IL20: variants seen among roughly 807,000 people sequenced by gnomAD.
IL20 encodes the protein interleukin 20.
In IL20, 22 loss-of-function variants were observed where a neutral mutation model predicts 19.2. That is an observed-to-expected ratio of 1.15 (90% CI 0.82 to 1.64). The LOEUF (loss-of-function observed/expected upper bound fraction) is 1.64. Among genes scored for constraint, IL20 ranks in the 40% most tolerant of loss-of-function variants. The pLI, the probability that IL20 is intolerant of heterozygous loss-of-function variation, is 0.00. For missense variants in IL20, 215 were observed against 212.8 expected, an observed-to-expected ratio of 1.01 and a Z score of -0.06; for synonymous variants, 70 against 76.2, an observed-to-expected ratio of 0.92 and a Z score of 0.43.
rs199946425 is a variant in IL20, at chr1:206,868,513, G to C, written c.480G>C (p.Lys160Asn). ...TGGAACCTCAGGCAGCAGTTGTGAAGGCTTTGGGGGAACTAGACATTCTTC... is the reference window on the plus strand; with the variant it reads ...TGGAACCTCAGGCAGCAGTTGTGAACGCTTTGGGGGAACTAGACATTCTTC... ...EKLEPQAAVV[K>N]ALGELDILLQ... The change falls in exon 6 of 6, where the codon AAG becomes AAC. Residue 160 changes from lysine to asparagine, a missense_variant. Coordinates refer to ENST00000367098, the MANE Select transcript of IL20 (RefSeq NM_018724.4). The C allele has an allele frequency of 6.3e-7, 1 of 1,597,966 alleles. No individual in the cohort carries two copies. Among genetic ancestry groups the C allele is most frequent in the Non-Finnish European group, 8.5e-7 (1 of 1,172,086 alleles).
Position 206,866,296 on chromosome 1 carries a change from T to C in IL20, c.160-3T>C, listed in dbSNP as rs1295043023. 22 of 1,613,958 alleles carry C rather than the reference T, an allele frequency of 1.4e-5. No homozygotes were observed. The highest frequency in any genetic ancestry group is 1.6e-4 in the Middle Eastern group (1 of 6,082). On this transcript the variant is annotated splice_region_variant and splice_polypyrimidine_tract_variant and intron_variant, in intron 2 of 5. Transcript: ENST00000367098. ...CTTGCTTGTTTTGTCTTCTTCTGTTTAGCAAGCCAAAGATGGAAACATTGA... is the reference window on the plus strand; with the variant it reads ...CTTGCTTGTTTTGTCTTCTTCTGTTCAGCAAGCCAAAGATGGAAACATTGA...
chr1:206,867,656 C>A (rs2102506409), intron 5 of IL20, among the ~76,000 whole-genome samples, 198 bp downstream of exon 5: 1 of 152,192 alleles, frequency 6.6e-6, no homozygotes, highest in African/African-American at 2.4e-5. Flanking sequence ...GGGTGATGCT[C>A]TGGAAATGGA....
Position 206,868,452 on chromosome 1 carries a change from G to A in IL20, c.454-35G>A, listed in dbSNP as rs1374588990. The stretch of plus-strand genomic sequence containing the variant: ...GGTCCTGGAGCAAATGCTGTCTCAT[G>A]AATTGCTAACCACATGGGTGTGTGT... On this transcript the variant is annotated intron_variant, in intron 5 of 5. Transcript: ENST00000367098. 3.3e-6 allele frequency: 5 copies of A among 1,526,310 alleles called. No homozygotes were observed. In the South Asian group the frequency reaches 5.0e-5, roughly 15 times the overall value. 94.5% of individuals were successfully genotyped at this position (1,526,310 alleles called of 1,614,324 possible).
chr1:206,863,689 T>C (rs1677475471), upstream of IL20, among the ~76,000 whole-genome samples: 2 of 152,196 alleles, frequency 1.3e-5, no homozygotes, highest in Non-Finnish European at 1.5e-5. Context: ...CCCAGGTATG[T>C]TCAAGGTCAC....
In IL20 at chr1:206,866,507, G is replaced by T; in HGVS notation, c.249G>T (p.Leu83=). 6.2e-7 allele frequency: 1 copy of T among 1,614,096 alleles called. No individual in the cohort carries two copies. Among genetic ancestry groups the T allele is most frequent in the South Asian group, 1.1e-5 (1 of 91,080 alleles). The part of the protein sequence containing the change: ...DTKPANRCCL[L]RHLLRLYLDR... The stretch of plus-strand genomic sequence containing the variant: ...AGCCTGCGAATCGATGCTGCCTCCT[G>T]CGCCATTTGCTAAGACTCTATCTGG... Residue 83 remains leucine (L), a synonymous_variant, in exon 4 of 6, where the codon CTG becomes CTT. Transcript: ENST00000367098.
chr1:206,866,694 C>T (rs941288522), intron 4 of IL20, 58 bp downstream of exon 4: 33 of 1,494,724 alleles, frequency 2.2e-5, no homozygotes, highest in Non-Finnish European at 3.0e-5. Flanking sequence ...AATGGCTTAG[C>T]AACTAAACTC....
intron 2 of IL20, 139 bp downstream of exon 2, chr1:206,866,150 G>T: frequency 8.7e-7 from 1 of 1,146,742 alleles, no homozygotes; most frequent in Non-Finnish European, 1.3e-6. Context: ...GTATTCCAAA[G>T]AAATAACTGT....
chr1:206,866,754 A>C, intron 4 of IL20, 118 bp downstream of exon 4: 1 of 1,051,162 alleles, frequency 9.5e-7, no homozygotes, highest in Non-Finnish European at 1.4e-6. Flanking sequence ...CAAAAGTTCT[A>C]ATAATCTGTG....
rs956516073 is a variant in IL20, at chr1:206,865,773, T to G, written c.-30-50T>G. On this transcript the variant is annotated intron_variant, in intron 1 of 5. Coordinates refer to ENST00000367098, the MANE Select transcript of IL20 (RefSeq NM_018724.4). This position sits in a 1 kb window ranked among gnomAD's most constrained non-coding sequence, Gnocchi z 4.1. ...CCCCCACCCCTCACCCCGTGGACAC[T>G]TGGAGGAGGGGAAACTCAGTAAGTC... The G allele has an allele frequency of 6.7e-6, 9 of 1,338,548 alleles. No homozygotes were observed. Among genetic ancestry groups the G allele is most frequent in the East Asian group, 3.3e-5 (1 of 30,536 alleles). The allele number at this position is 1,338,548 out of a possible 1,614,324, so 82.9% of individuals were successfully genotyped here. A position where few individuals can be genotyped will look rare whatever the true frequency, so the allele number is the denominator to read the frequency against.
At chr1:206,864,954 T>C (rs955051687), upstream of IL20, among the ~76,000 whole-genome samples, 18 of 152,336 alleles carry the variant, frequency 1.2e-4, no homozygotes, top group African/African-American at 4.3e-4. Flanking sequence ...CCTGCTCTCT[T>C]ACTGAGGAGG....
chr1:206,865,769 A>C lies in IL20; in HGVS notation c.-30-54A>C. 3.4e-6 allele frequency: 5 copies of C among 1,489,578 alleles called. No individual in the cohort carries two copies. Among genetic ancestry groups the C allele is most frequent in the Non-Finnish European group, 2.7e-6 (3 of 1,095,554 alleles). 92.3% of individuals were successfully genotyped at this position (1,489,578 alleles called of 1,614,324 possible). A position where few individuals can be genotyped will look rare whatever the true frequency, so the allele number is the denominator to read the frequency against. On this transcript the variant is annotated intron_variant, in intron 1 of 5. Coordinates refer to ENST00000367098, the MANE Select transcript of IL20 (RefSeq NM_018724.4). This position sits in a 1 kb window ranked among gnomAD's most constrained non-coding sequence, Gnocchi z 4.1. ...TGACCCCCCACCCCTCACCCCGTGG[A>C]CACTTGGAGGAGGGGAAACTCAGTA...
At position 206,865,831 on chromosome 1, in the gene IL20, G is replaced by C. The variant is rs1356936282; in HGVS notation, c.-22G>C. ...CTTCTTTGAATTCCTAGCTCCTGTG[G>C]TCTCCAGATTTCAGGCCTAAGATGA... On this transcript the variant is annotated 5_prime_UTR_variant, in exon 2 of 6. Coordinates refer to ENST00000367098, the MANE Select transcript of IL20 (RefSeq NM_018724.4). This position sits in a 1 kb window ranked among gnomAD's most constrained non-coding sequence, Gnocchi z 4.1. 2 of 1,613,158 alleles carry C rather than the reference G, an allele frequency of 1.2e-6. No individual in the cohort carries two copies. The highest frequency in any genetic ancestry group is 1.7e-6 in the Non-Finnish European group (2 of 1,179,620).
upstream of IL20, among the ~76,000 whole-genome samples, chr1:206,864,626 T>G (rs1306248086): frequency 6.6e-6 from 1 of 152,152 alleles, no homozygotes; most frequent in Non-Finnish European, 1.5e-5. Context: ...AATAATATTT[T>G]CATCATATGC....
rs774083115 is a variant in IL20, at chr1:206,868,505, G to T, written c.472G>T (p.Val158Phe). The T allele has an allele frequency of 1.3e-6, 2 of 1,595,854 alleles. No homozygotes were observed. The highest frequency in any genetic ancestry group is 1.7e-6 in the Non-Finnish European group (2 of 1,171,028). ...CTTTCAGCTGGAACCTCAGGCAGCA[G>T]TTGTGAAGGCTTTGGGGGAACTAGA... is the stretch of plus-strand genomic sequence containing the variant. ...HFEKLEPQAA[V>F]VKALGELDIL... The change falls in exon 6 of 6, where the codon GTT becomes TTT. Residue 158 changes from valine to phenylalanine, a missense_variant. Val to Phe is a conservative substitution (Grantham distance 50, BLOSUM62 -1). Coordinates refer to ENST00000367098, the MANE Select transcript of IL20 (RefSeq NM_018724.4).
At chr1:206,867,573 C>G in intron 5 of IL20, 115 bp downstream of exon 5, 1 of 873,178 alleles carries the variant, frequency 1.1e-6, no homozygotes, top group Non-Finnish European at 1.9e-6. Context: ...TCATAGCCCT[C>G]TGAAATCATG....
upstream of IL20, among the ~76,000 whole-genome samples, chr1:206,864,988 C>T (rs1677503996): frequency 6.6e-6 from 1 of 152,138 alleles, no homozygotes; most frequent in Admixed American, 6.5e-5. Flanking sequence ...AAATGAGTTC[C>T]GTCATTGCCT....
upstream of IL20, chr1:206,865,512 CTCTA>C (rs1677519791): frequency 9.5e-7 from 1 of 1,057,140 alleles, no homozygotes; most frequent in East Asian, 6.9e-5. The surrounding 1 kb of genome is among the most constrained non-coding windows in gnomAD (Gnocchi z 4.1). Context: ...AAATGTCATT[CTCTA>C]TCTATTCACT....
chr1:206,865,583 G>A (rs1438631758), upstream of IL20: 1 of 1,227,518 alleles, frequency 8.1e-7, no homozygotes. This position sits in a 1 kb window ranked among gnomAD's most constrained non-coding sequence, Gnocchi z 4.1. Context: ...GAGCCAGGAT[G>A]GGGACAGAAT....
At chr1:206,867,545 A>G (rs1313240674) in intron 5 of IL20, 87 bp downstream of exon 5, 2 of 1,116,344 alleles carry the variant, frequency 1.8e-6, no homozygotes, top group East Asian at 4.7e-5. Context: ...ACTGTTAGAC[A>G]TCCTGTAGCC....
Sources: gnomAD v4.1 joint callset for allele counts (sites outside exome capture counted in the v4.1 genomes callset) on GRCh38, gnomAD v4.1.1 for gene constraint, Gnocchi (gnomAD v3.1) non-coding constraint, MANE v1.5 for transcripts, NCBI Gene and HGNC (gene_info 2026-07-23, HGNC 2026-07-21) for gene names.